EML1: variants seen among roughly 807,000 people sequenced by gnomAD.
EML1 encodes EMAP like 1, also known as echinoderm microtubule-associated protein-like 1.
In EML1, 27 loss-of-function variants were observed where a neutral mutation model predicts 110.4. That is an observed-to-expected ratio of 0.24 (90% confidence interval 0.18 to 0.34). The LOEUF (loss-of-function observed/expected upper bound fraction) is 0.34, where lower values mean the gene tolerates loss of function less well. Ranked by LOEUF, EML1 falls within the 10% of genes least tolerant of loss-of-function variation. EML1 has a pLI of 1.00. For synonymous variants in EML1, 344 were observed against 385.8 expected, an observed-to-expected ratio of 0.89 and a Z score of 1.27; for missense variants, 741 against 1,030.9, an observed-to-expected ratio of 0.72 and a Z score of 3.85.
At chr14:99,937,011 C>T (rs1006504122) in intron 19 of EML1, among the ~76,000 whole-genome samples, 12 of 152,230 alleles carry the variant, frequency 7.9e-5, no homozygotes, top group Admixed American at 4.6e-4. Context: ...TCCTCCTCTG[C>T]GTCTTCTCAG....
At chr14:99,792,113 C>T (rs1431431764), upstream of EML1, among the ~76,000 whole-genome samples, 3 of 152,210 alleles carry the variant, frequency 2.0e-5, no homozygotes, top group Admixed American at 6.5e-5. Flanking sequence ...ATGCACTAAC[C>T]GTGCCGCACG....
chr14:99,924,984 A>G (rs368619686), intron 17 of EML1, among the ~76,000 whole-genome samples: 6 of 152,146 alleles, frequency 3.9e-5, no homozygotes, highest in East Asian at 3.8e-4. Flanking sequence ...CTAGGATTCT[A>G]TTAAGGATTT....
intron 1 of EML1, among the ~76,000 whole-genome samples, chr14:99,822,533 G>T (rs2058281710): frequency 6.6e-6 from 1 of 152,170 alleles, no homozygotes; most frequent in Non-Finnish European, 1.5e-5. Flanking sequence ...GGGAAATAAA[G>T]ATCTTGTACT....
chr14:99,793,966 A>G (rs2057721582), intron 1 of EML1, among the ~76,000 whole-genome samples: 2 of 152,092 alleles, frequency 1.3e-5, no homozygotes, highest in African/African-American at 4.8e-5. Context: ...CAAATCCTTT[A>G]ATAACAAAAC....
At chr14:99,752,654 G>A (rs560017515) in intron 1 of EML1, among the ~76,000 whole-genome samples, 4 of 152,230 alleles carry the variant, frequency 2.6e-5, no homozygotes, top group South Asian at 2.1e-4. Flanking sequence ...CTCAGCTGCC[G>A]CCACGGGGCC....
intron 3 of EML1, among the ~76,000 whole-genome samples, chr14:99,870,196 C>T (rs1486658505): frequency 6.6e-6 from 1 of 152,162 alleles, no homozygotes; most frequent in East Asian, 1.9e-4. Context: ...TTTGAGTGGT[C>T]AGAATCAAAG....
chr14:99,791,566 G>A (rs577678653), upstream of EML1, among the ~76,000 whole-genome samples: 52 of 152,246 alleles, frequency 3.4e-4, no homozygotes, highest in Admixed American at 1.6e-3. Flanking sequence ...CTTCTAATTG[G>A]AGGTTGTGCT....
chr14:99,817,773 C>T (rs1226872837), intron 1 of EML1, among the ~76,000 whole-genome samples: 1 of 152,188 alleles, frequency 6.6e-6, no homozygotes, highest in African/African-American at 2.4e-5. Context: ...CTGCAAGGAG[C>T]TCACGGTCTA....
intron 1 of EML1, among the ~76,000 whole-genome samples, chr14:99,756,599 A>G (rs2140181169): frequency 6.6e-6 from 1 of 152,340 alleles, no homozygotes; most frequent in Non-Finnish European, 1.5e-5. Flanking sequence ...TGGTGGGGTC[A>G]TCGACCCAAT....
upstream of EML1, among the ~76,000 whole-genome samples, chr14:99,772,592 A>G (rs527570064): frequency 6.6e-5 from 10 of 152,324 alleles, 1 homozygote; most frequent in East Asian, 1.2e-3. Context: ...AACTCTCCAA[A>G]GCCCTCCAGG....
intron 3 of EML1, among the ~76,000 whole-genome samples, chr14:99,877,813 C>A (rs2059318139): frequency 6.6e-6 from 1 of 152,198 alleles, no homozygotes; most frequent in African/African-American, 2.4e-5. Context: ...GGATTTCTAG[C>A]CGCACCCCGG....
chr14:99,857,119 G>A (rs921076294), intron 2 of EML1, among the ~76,000 whole-genome samples: 3 of 151,806 alleles, frequency 2.0e-5, no homozygotes, highest in East Asian at 1.9e-4. Context: ...AAAAAATACC[G>A]AAATTAGCCT....
intron 2 of EML1, among the ~76,000 whole-genome samples, chr14:99,855,159 CT>C (rs1439248663): frequency 2.0e-5 from 3 of 152,168 alleles, no homozygotes; most frequent in African/African-American, 7.2e-5. Flanking sequence ...GGCTATAAAA[CT>C]GTATATACTG....
intron 1 of EML1, among the ~76,000 whole-genome samples, chr14:99,756,112 G>T (rs1307135648): frequency 6.6e-6 from 1 of 152,224 alleles, no homozygotes; most frequent in Admixed American, 6.5e-5. Flanking sequence ...GGGGAGTTGT[G>T]CTGGGTGGGG....
At position 99,920,936 on chromosome 14, in the gene EML1, G is replaced by A. The variant is rs2060120236; in HGVS notation, c.1909+59G>A. ...TTAATCAACTTTTATTTTAAGTTCT[G>A]GAGTCCATGTGCAGGATGTGTCGGT... is the stretch of plus-strand genomic sequence containing the variant. On this transcript the variant is annotated intron_variant, in intron 17 of 21. Transcript: ENST00000262233. 2.6e-6 allele frequency: 4 copies of A among 1,512,662 alleles called. No homozygotes were observed. The African/African-American group carries it at 4.2e-5, about 16-fold the overall frequency. 93.7% of individuals were successfully genotyped at this position (1,512,662 alleles called of 1,614,324 possible).
chr14:99,941,743 A>G lies in EML1; in HGVS notation c.*1631A>G, dbSNP rs2060592817. ...AGATAACCATAAAGGATTTGGCCTA[A>G]TTACCATACTCAATTGTCAGTTTAC... is the stretch of plus-strand genomic sequence containing the variant. On this transcript the variant is annotated 3_prime_UTR_variant, in exon 22 of 22. Transcript: ENST00000262233. The G allele has an allele frequency of 6.6e-6, 1 of 152,226 alleles. No homozygotes were observed. The highest frequency in any genetic ancestry group is 1.5e-5 in the Non-Finnish European group (1 of 68,048). 9.4% of individuals were successfully genotyped at this position (152,226 alleles called of 1,614,324 possible).
At chr14:99,815,738 G>C (rs1445989437) in intron 1 of EML1, among the ~76,000 whole-genome samples, 4 of 152,154 alleles carry the variant, frequency 2.6e-5, no homozygotes, top group Admixed American at 2.0e-4. Flanking sequence ...TCTTTGTTGG[G>C]TTTTTGTGAG....
chr14:99,738,392 G>A (rs554942440), intron 1 of EML1, among the ~76,000 whole-genome samples: 272 of 152,336 alleles, frequency 1.8e-3, no homozygotes, highest in African/African-American at 6.1e-3. Flanking sequence ...GCAGAAGGGC[G>A]ATCAGATTCT....
intron 1 of EML1, among the ~76,000 whole-genome samples, chr14:99,822,501 C>A (rs1293271901): frequency 6.6e-6 from 1 of 152,094 alleles, no homozygotes; most frequent in African/African-American, 2.4e-5. Context: ...GAAGTTGAGC[C>A]CCCAGCTGGA....
Sources: gnomAD v4.1 joint callset for allele counts (sites outside exome capture counted in the v4.1 genomes callset) on GRCh38, gnomAD v4.1.1 for gene constraint, MANE v1.5 for transcripts, NCBI Gene and HGNC (gene_info 2026-07-23, HGNC 2026-07-21) for gene names.